Variants in ZBTB40 observed in about 807,000 individuals in gnomAD.
The protein encoded by ZBTB40 is zinc finger and BTB domain containing 40.
Under a neutral mutation model 117.5 loss-of-function variants are expected in ZBTB40, and 60 were observed. The observed-to-expected ratio is 0.51, with a 90% CI of 0.41 to 0.63. ZBTB40 has a LOEUF of 0.63. Ranked by LOEUF, ZBTB40 falls within the 30% of genes least tolerant of loss-of-function variation. The probability of loss-of-function intolerance (pLI) is 0.00; values close to 1 mark genes in which losing one functional copy is unlikely to be tolerated. For synonymous variants in ZBTB40, 525 were observed against 577.1 expected (o/e 0.91, Z 1.29); for missense variants, 1,287 against 1,498.5 (o/e 0.86, Z 2.33).
At chr1:22,457,000 G>T (rs12354114) in intron 1 of ZBTB40, among the ~76,000 whole-genome samples, 44,403 of 152,188 alleles carry the variant, frequency 0.29, 7,415 homozygotes, top group Non-Finnish European at 0.38. Context: ...GGGCACAGTG[G>T]CTCATGCCTG....
intron 1 of ZBTB40, among the ~76,000 whole-genome samples, chr1:22,465,938 G>A (rs537532037): frequency 1.8e-3 from 274 of 152,322 alleles, no homozygotes; most frequent in Non-Finnish European, 3.0e-3. Context: ...AACTGGATCA[G>A]CTGCCACCAT....
At chr1:22,460,693 A>G (rs976647493) in intron 1 of ZBTB40, among the ~76,000 whole-genome samples, 6 of 152,244 alleles carry the variant, frequency 3.9e-5, no homozygotes, top group South Asian at 2.1e-4. Context: ...AAGGTTACAA[A>G]GCTAACGTCA....
At chr1:22,467,288 A>G (rs1641279471) in intron 1 of ZBTB40, among the ~76,000 whole-genome samples, 1 of 152,156 alleles carries the variant, frequency 6.6e-6, no homozygotes. Context: ...GTGCAAGTAA[A>G]GTATACTTTT....
chr1:22,506,110 G>A lies in ZBTB40; in HGVS notation c.1229G>A (p.Arg410Lys), dbSNP rs773149332. Residue 410 changes from arginine to lysine, a missense_variant, in exon 6 of 18, where the codon AGA becomes AAA. By Grantham distance (26) the Arg-to-Lys change is conservative. Coordinates refer to ENST00000375647, the MANE Select transcript of ZBTB40 (RefSeq NM_014870.4). Reference protein sequence around the residue: ...PKETIENLLHRMTEEKTLTAE... With the variant: ...PKETIENLLHKMTEEKTLTAE... ...GAGACAATAGAAAATTTGTTGCACA[G>A]AATGACTGAAGAGAAGACGCTGACT... 6.2e-7 allele frequency: 1 copy of A among 1,614,176 alleles called. No individual in the cohort carries two copies. Among genetic ancestry groups the A allele is most frequent in the Non-Finnish European group, 8.5e-7 (1 of 1,180,034 alleles).
intron 1 of ZBTB40, among the ~76,000 whole-genome samples, chr1:22,430,766 C>T (rs1333267977): frequency 6.6e-6 from 1 of 152,082 alleles, no homozygotes; most frequent in Non-Finnish European, 1.5e-5. Context: ...GAACCATGCC[C>T]AGCCAGTTTT....
chr1:22,491,148 G>C (rs552147850), intron 2 of ZBTB40, among the ~76,000 whole-genome samples: 2 of 152,292 alleles, frequency 1.3e-5, no homozygotes, highest in East Asian at 3.9e-4. Context: ...ACCCGCCTCA[G>C]CCTCCCAAAG....
intron 1 of ZBTB40, among the ~76,000 whole-genome samples, chr1:22,442,025 T>G (rs555487990): frequency 3.3e-4 from 51 of 152,352 alleles, no homozygotes; most frequent in African/African-American, 1.2e-3. Flanking sequence ...TTTCTTTGAT[T>G]CATTGGTTGT....
chr1:22,510,033 T>C (rs1324799423), intron 9 of ZBTB40, among the ~76,000 whole-genome samples: 2 of 152,214 alleles, frequency 1.3e-5, no homozygotes, highest in Admixed American at 6.5e-5. Context: ...TTTGCCCATA[T>C]TGGGTAGCAA....
At chr1:22,489,367 G>C (rs1356731720) in intron 1 of ZBTB40, among the ~76,000 whole-genome samples, 1 of 152,322 alleles carries the variant, frequency 6.6e-6, no homozygotes, top group Admixed American at 6.5e-5. Context: ...GGAGAACCAA[G>C]TGAAAAATGT....
In ZBTB40 at chr1:22,526,321, C is replaced by G; in HGVS notation, c.3645C>G (p.Ser1215Arg). 2 of 1,614,206 alleles carry G rather than the reference C, an allele frequency of 1.2e-6. No individual in the cohort carries two copies. The highest frequency in any genetic ancestry group is 1.7e-6 in the Non-Finnish European group (2 of 1,180,044). Residue 1215 changes from serine to arginine, a missense_variant, in exon 18 of 18, where the codon AGC becomes AGG. Transcript: ENST00000375647. Reference sequence around the variant, plus strand: ...CAGATTCTCAGGCATCTCAGGCCAGCTCTGAGCTCGTGGCGGTGACTGTGG... The same window carrying G: ...CAGATTCTCAGGCATCTCAGGCCAGGTCTGAGCTCGTGGCGGTGACTGTGG... ...TLPDSQASQASSELVAVTVED... is the reference protein window; with the variant it reads ...TLPDSQASQARSELVAVTVED...
chr1:22,490,429 C>G lies in ZBTB40; in HGVS notation c.481C>G (p.Pro161Ala). The G allele has an allele frequency of 6.2e-7, 1 of 1,607,958 alleles. No individual in the cohort carries two copies. Among genetic ancestry groups the G allele is most frequent in the Non-Finnish European group, 8.5e-7 (1 of 1,176,030 alleles). Residue 161 changes from proline (P) to alanine (A), a missense_variant, in exon 2 of 18, where the codon CCA becomes GCA. Pro to Ala is a conservative substitution (Grantham distance 27, BLOSUM62 -1). This residue lies in a region of ZBTB40 where 870 missense variants were observed against 934.4 expected (regional missense o/e 0.93). Transcript: ENST00000375647. ...SEGAGEPHSS[P>A]ELAATPGGPV... ...AGGTGCTGGAGAGCCTCATTCTTCC[C>G]CAGAGCTTGCTGCCACTCCAGGGGG...
chr1:22,514,327 C>G (rs1342241073), intron 12 of ZBTB40, among the ~76,000 whole-genome samples: 1 of 152,120 alleles, frequency 6.6e-6, no homozygotes, highest in Non-Finnish European at 1.5e-5. Flanking sequence ...ATAAATAAAC[C>G]CTATCAGGTC....
chr1:22,524,539 T>G (rs976313304), intron 17 of ZBTB40, 95 bp downstream of exon 17: 2 of 1,320,022 alleles, frequency 1.5e-6, no homozygotes, highest in Non-Finnish European at 2.1e-6. Context: ...GAGATACTCT[T>G]TGGGGATCTT....
Position 22,511,988 on chromosome 1 carries a change from G to A in ZBTB40, c.2315G>A (p.Ser772Asn), listed in dbSNP as rs774596888. Residue 772 changes from serine (S) to asparagine (N), a missense_variant, in exon 11 of 18, where the codon AGT becomes AAT. By Grantham distance (46) the Ser-to-Asn change is conservative (BLOSUM62 1). This residue lies in a region of ZBTB40 where 870 missense variants were observed against 934.4 expected (regional missense o/e 0.93). Transcript: ENST00000375647. ...AAACAGGTGCAGTGTAAGGAGTGCA[G>A]TGAGACCAAGGATTCAAAGAAAGAG... ...KSKQVQCKEC[S>N]ETKDSKKELD... is the part of the protein sequence containing the mutation. 6.2e-7 allele frequency: 1 copy of A among 1,614,198 alleles called. No individual in the cohort carries two copies. Among genetic ancestry groups the A allele is most frequent in the East Asian group, 2.2e-5 (1 of 44,880 alleles).
intron 16 of ZBTB40, 115 bp downstream of exon 16, chr1:22,522,578 C>G: frequency 1.0e-6 from 1 of 1,003,734 alleles, no homozygotes; most frequent in Non-Finnish European, 1.6e-6. Context: ...GCCTCGGTTT[C>G]TTCATCTATA....
chr1:22,431,384 GTATATATATATA>G lies in ZBTB40; in HGVS notation c.-70+2384_-70+2395del, dbSNP rs59021263. Among the ~76,000 whole-genome samples the G allele has an allele frequency of 1.7e-3, 209 of 119,696 alleles. 2 individuals are homozygous for G. The highest frequency in any genetic ancestry group is 7.3e-3 in the African/African-American group (196 of 26,958). 78.5% of individuals were successfully genotyped at this position (119,696 alleles called of 152,430 possible). ...ATTTTGTGTGTGTGTGTGTGTGTGT[GTATATATATATA>G]TATATATATATATGTATATATAGTA... On this transcript the variant is annotated intron_variant, in intron 1 of 8. Transcript: ENST00000650433.
chr1:22,507,985 GC>G lies in ZBTB40; in HGVS notation c.1361-15del. 1 of 1,614,030 alleles carries G rather than the reference GC, an allele frequency of 6.2e-7. No homozygotes were observed. Among genetic ancestry groups the G allele is most frequent in the Non-Finnish European group, 8.5e-7 (1 of 1,180,000 alleles). ...TTGTTGCATCAAACATTATTGTTTT[GC>G]TAATATCCTTACAGTCCAACCAAGC... On this transcript the variant is annotated splice_polypyrimidine_tract_variant and intron_variant, in intron 6 of 17. Coordinates refer to ENST00000375647, the MANE Select transcript of ZBTB40 (RefSeq NM_014870.4).
In ZBTB40 at chr1:22,509,250, A is replaced by G; in HGVS notation, c.1833+17A>G. The G allele has an allele frequency of 6.2e-7, 1 of 1,614,144 alleles. No homozygotes were observed. The highest frequency in any genetic ancestry group is 8.5e-7 in the Non-Finnish European group (1 of 1,179,996). ...GTGAAAGAGGTGTGGTGGGAATAAA[A>G]AGCGAAATGCCAGAGAGTTTTACAG... On this transcript the variant is annotated intron_variant, in intron 9 of 17. Coordinates refer to ENST00000375647, the MANE Select transcript of ZBTB40 (RefSeq NM_014870.4).
intron 5 of ZBTB40, among the ~76,000 whole-genome samples, chr1:22,503,218 A>C (rs1268068340): frequency 1.3e-5 from 2 of 151,646 alleles, no homozygotes; most frequent in East Asian, 3.9e-4. Context: ...AAGAAGTGGA[A>C]TTTTGGAATC....
Sources: allele counts gnomAD v4.1 joint callset (sites outside exome capture counted in the v4.1 genomes callset), GRCh38; gene constraint gnomAD v4.1.1; regional missense constraint gnomAD v4.1.1; transcripts MANE v1.5; gene names NCBI Gene and HGNC (gene_info 2026-07-23, HGNC 2026-07-21).